The following SUGCT variants were observed in gnomAD, a reference collection of about 807,000 sequenced individuals.
SUGCT encodes the protein succinyl-CoA:glutarate-CoA transferase.
SUGCT carries 41 observed loss-of-function variants against 55.0 expected under a neutral mutation model. The ratio of observed to expected loss-of-function variants is 0.74; its 90% CI spans 0.58 to 0.97. The LOEUF is 0.97. Ranked by LOEUF, SUGCT falls within the 50% of genes least tolerant of loss-of-function variation. SUGCT has a pLI of 0.00. For missense variants in SUGCT, 568 were observed against 547.8 expected (o/e 1.04, Z -0.37); for synonymous variants, 187 against 200.4 (o/e 0.93, Z 0.56).
At chr7:40,470,747 G>GTCTCTC (rs34012862) in intron 11 of SUGCT, among the ~76,000 whole-genome samples, 2,363 of 146,358 alleles carry the variant, frequency 0.016, 22 homozygotes, top group African/African-American at 0.022. Context: ...TAAGTGAACA[G>GTCTCTC]TCTCTCTCTC....
the SUGCT span, among the ~76,000 whole-genome samples, chr7:40,984,455 C>G: frequency 6.6e-6 from 1 of 152,052 alleles, no homozygotes; most frequent in Non-Finnish European, 1.5e-5. Context: ...GGTGATGAAG[C>G]CAGACTGATC....
intron 12 of SUGCT, among the ~76,000 whole-genome samples, chr7:40,528,631 A>C (rs1263158103): frequency 6.6e-6 from 1 of 152,210 alleles, no homozygotes; most frequent in Admixed American, 6.5e-5. Context: ...AGAATGACCC[A>C]AGTAAAATAT....
chr7:40,976,221 A>G, the SUGCT span, among the ~76,000 whole-genome samples: 3 of 152,142 alleles, frequency 2.0e-5, no homozygotes, highest in Admixed American at 6.5e-5. Context: ...GATTTTTCCA[A>G]TATCACCTCC....
intron 12 of SUGCT, among the ~76,000 whole-genome samples, chr7:40,503,380 A>G (rs1296062236): frequency 2.0e-5 from 3 of 152,186 alleles, no homozygotes; most frequent in South Asian, 2.1e-4. Context: ...GTGGACGAGA[A>G]TAGCAAATAT....
At chr7:40,917,259 T>C in the SUGCT span, among the ~76,000 whole-genome samples, 1 of 152,250 alleles carries the variant, frequency 6.6e-6, no homozygotes, top group South Asian at 2.1e-4. Context: ...CTTACAATGT[T>C]TTCTATAATT....
intron 9 of SUGCT, among the ~76,000 whole-genome samples, chr7:40,430,712 T>G (rs75939013): frequency 0.023 from 3,427 of 152,300 alleles, 119 homozygotes; most frequent in African/African-American, 0.078. Context: ...GTTTTTGGTG[T>G]GATATCAAAC....
intron 12 of SUGCT, among the ~76,000 whole-genome samples, chr7:40,604,273 A>G (rs570214858): frequency 3.3e-5 from 5 of 152,332 alleles, no homozygotes; most frequent in East Asian, 1.9e-4. Flanking sequence ...TGCAAGGCCT[A>G]TGATGGTCCC....
chr7:40,721,587 A>G (rs1412553904), intron 12 of SUGCT, among the ~76,000 whole-genome samples: 1 of 152,268 alleles, frequency 6.6e-6, no homozygotes, highest in Non-Finnish European at 1.5e-5. Flanking sequence ...AGCTACAGCC[A>G]ACTGGCAGCT....
intron 1 of SUGCT, among the ~76,000 whole-genome samples, chr7:40,167,696 A>C (rs569976440): frequency 2.0e-3 from 312 of 152,288 alleles, no homozygotes; most frequent in African/African-American, 7.1e-3. Context: ...GGCACTTAGC[A>C]ATGCAGGAAC....
At chr7:40,932,914 G>C in the SUGCT span, among the ~76,000 whole-genome samples, 1 of 151,782 alleles carries the variant, frequency 6.6e-6, no homozygotes, top group Non-Finnish European at 1.5e-5. Context: ...TTTTAATTGG[G>C]GCATTTAGCA....
At chr7:40,668,411 A>G (rs1801760189) in intron 12 of SUGCT, among the ~76,000 whole-genome samples, 1 of 152,196 alleles carries the variant, frequency 6.6e-6, no homozygotes, top group South Asian at 2.1e-4. Context: ...AGTATTTACC[A>G]AAATATTTTT....
chr7:40,499,115 C>T (rs904985758), intron 12 of SUGCT: 8 of 456,548 alleles, frequency 1.8e-5, no homozygotes, highest in South Asian at 3.1e-5. Context: ...GCACCACTGG[C>T]GCGTGTGGCC....
At chr7:40,917,706 A>G in the SUGCT span, among the ~76,000 whole-genome samples, 1 of 152,176 alleles carries the variant, frequency 6.6e-6, no homozygotes, top group Non-Finnish European at 1.5e-5. Context: ...TCCAAGAACA[A>G]GGCACTGGCA....
the SUGCT span, among the ~76,000 whole-genome samples, chr7:40,962,292 C>T: frequency 6.6e-6 from 1 of 152,046 alleles, no homozygotes; most frequent in Non-Finnish European, 1.5e-5. Flanking sequence ...CAGAAAAGTT[C>T]TCCAAGTTCC....
chr7:40,931,402 G>T, the SUGCT span, among the ~76,000 whole-genome samples: 1 of 152,018 alleles, frequency 6.6e-6, no homozygotes, highest in Non-Finnish European at 1.5e-5. Context: ...TTGTATCTCT[G>T]CCCGGCTTTG....
At chr7:40,409,878 A>G (rs1490134676) in intron 9 of SUGCT, among the ~76,000 whole-genome samples, 1 of 152,140 alleles carries the variant, frequency 6.6e-6, no homozygotes, top group Non-Finnish European at 1.5e-5. Context: ...AATTGATTAG[A>G]GTTGATCTGT....
chr7:40,338,822 T>C lies in SUGCT; in HGVS notation c.816+21967T>C, dbSNP rs187026378. ...GCATTCCTTTGTAGGGGAGGGGTGC[T>C]TGGAGTTTTAGAATTTTCAGTTTTT... On this transcript the variant is annotated intron_variant, in intron 9 of 13. Coordinates refer to ENST00000335693, the MANE Select transcript of SUGCT (RefSeq NM_001193313.2). Among the ~76,000 whole-genome samples, 100 of 152,314 alleles carry C rather than the reference T, an allele frequency of 6.6e-4. 1 individual carries two copies. The highest frequency in any genetic ancestry group is 2.3e-3 in the African/African-American group (94 of 41,584).
chr7:40,661,374 G>A (rs1213516953), intron 12 of SUGCT, among the ~76,000 whole-genome samples: 1 of 151,914 alleles, frequency 6.6e-6, no homozygotes, highest in Non-Finnish European at 1.5e-5. Context: ...TCCCCTTTCT[G>A]TCTTGCATCA....
intron 1 of SUGCT, among the ~76,000 whole-genome samples, chr7:40,135,683 G>C (rs902508602): frequency 2.0e-4 from 31 of 151,876 alleles, no homozygotes; most frequent in Non-Finnish European, 2.6e-4. Flanking sequence ...TTGAGACGGA[G>C]TCTCGCTGTC....
Sources: allele counts gnomAD v4.1 joint callset (sites outside exome capture counted in the v4.1 genomes callset), GRCh38; gene constraint gnomAD v4.1.1; transcripts MANE v1.5; gene names NCBI Gene and HGNC (gene_info 2026-07-23, HGNC 2026-07-21).